Variants in CNOT6L observed in about 807,000 individuals in gnomAD.
CNOT6L encodes CCR4-NOT transcription complex subunit 6-like.
Under a neutral mutation model 64.0 loss-of-function variants are expected in CNOT6L, and 7 were observed. That is an observed-to-expected ratio of 0.11 (90% CI 0.06 to 0.21). CNOT6L has a LOEUF of 0.21. Ranked by LOEUF, CNOT6L falls within the 10% of genes least tolerant of loss-of-function variation. The pLI is 1.00. For missense variants in CNOT6L, 245 were observed against 669.0 expected (o/e 0.37, Z 6.99); for synonymous variants, 193 against 243.4 (o/e 0.79, Z 1.93).
intron 8 of CNOT6L, among the ~76,000 whole-genome samples, chr4:77,736,794 G>C (rs2109917005): frequency 6.6e-6 from 1 of 151,888 alleles, no homozygotes; most frequent in South Asian, 2.1e-4. Flanking sequence ...TTTATTCTAA[G>C]AATTCTTCTG....
At chr4:77,801,952 A>C (rs868322212) in intron 1 of CNOT6L, among the ~76,000 whole-genome samples, 1 of 152,210 alleles carries the variant, frequency 6.6e-6, no homozygotes, top group Non-Finnish European at 1.5e-5. Context: ...AAATGTAAAC[A>C]ATGACTACCA....
At chr4:77,794,147 T>C in intron 1 of CNOT6L, among the ~76,000 whole-genome samples, 1 of 33,452 alleles carries the variant, frequency 3.0e-5, no homozygotes, top group South Asian at 1.3e-3. Context: ...TAAGACTCTG[T>C]CTCAAAAAAA....
chr4:77,771,948 CATAA>C (rs1185316395), intron 4 of CNOT6L, among the ~76,000 whole-genome samples: 2 of 152,196 alleles, frequency 1.3e-5, no homozygotes, highest in South Asian at 2.1e-4. Flanking sequence ...CCTATTAATT[CATAA>C]ATAAACTCTT....
chr4:77,786,303 C>G (rs990094636), intron 1 of CNOT6L, among the ~76,000 whole-genome samples: 2 of 149,746 alleles, frequency 1.3e-5, no homozygotes, highest in Non-Finnish European at 3.0e-5. Flanking sequence ...GAAAGAGAGA[C>G]AGAGAGAGAG....
chr4:77,773,076 C>G lies in CNOT6L; in HGVS notation c.400+5G>C, dbSNP rs756261309. 6.3e-7 allele frequency: 1 copy of G among 1,585,508 alleles called. No individual in the cohort carries two copies. Among genetic ancestry groups the G allele is most frequent in the East Asian group, 2.3e-5 (1 of 44,392 alleles). Reference sequence around the variant, plus strand: ...ATACCTCAAAACTGTTTAAAAATCACTTACCTTTCAAACCTAGAGTTTGTA... The same window carrying G: ...ATACCTCAAAACTGTTTAAAAATCAGTTACCTTTCAAACCTAGAGTTTGTA... On this transcript the variant is annotated splice_donor_5th_base_variant and intron_variant, in intron 4 of 11. Coordinates refer to ENST00000504123, the MANE Select transcript of CNOT6L (RefSeq NM_144571.3).
Position 77,747,370 on chromosome 4 carries a change from G to A in CNOT6L, c.559+946C>T, listed in dbSNP as rs147343700. Reference sequence around the variant, plus strand: ...TTTAGTAGAGATGGGGTTTCACCATGCTGGCCAAGCTAATCTTGAACTCCT... The same window carrying A: ...TTTAGTAGAGATGGGGTTTCACCATACTGGCCAAGCTAATCTTGAACTCCT... On this transcript the variant is annotated intron_variant, in intron 6 of 11. Transcript: ENST00000504123. Among the ~76,000 whole-genome samples the A allele has an allele frequency of 3.3e-5, 5 of 152,218 alleles. No homozygotes were observed. In the East Asian group the frequency reaches 9.7e-4, roughly 29 times the overall value.
rs1007168649 is a variant in CNOT6L, at chr4:77,717,644, A to G, written c.*2787T>C. 34 of 152,498 alleles carry G rather than the reference A, an allele frequency of 2.2e-4. No homozygotes were observed. The highest frequency in any genetic ancestry group is 7.5e-4 in the African/African-American group (31 of 41,410). The allele number at this position is 152,498 out of a possible 1,614,324, so 9.4% of individuals were successfully genotyped here. A position where few individuals can be genotyped will look rare whatever the true frequency, so the allele number is the denominator to read the frequency against. On this transcript the variant is annotated 3_prime_UTR_variant, in exon 12 of 12. Coordinates refer to ENST00000504123, the MANE Select transcript of CNOT6L (RefSeq NM_144571.3). ...TCTTCCTTTTGGCTTCTCACTGCCA[A>G]AGTTCCAAATGGCATGCGGTTTAAC...
intron 2 of CNOT6L, 103 bp downstream of exon 2, chr4:77,776,168 A>G (rs564693998): frequency 2.8e-5 from 32 of 1,132,966 alleles, no homozygotes; most frequent in Admixed American, 1.3e-4. Context: ...TAGTTTTTCA[A>G]TGAGTCCATC....
At chr4:77,775,113 C>T (rs1212915937) in intron 2 of CNOT6L, among the ~76,000 whole-genome samples, 1 of 152,082 alleles carries the variant, frequency 6.6e-6, no homozygotes, top group Non-Finnish European at 1.5e-5. Context: ...GCCAGAAATG[C>T]TACTAAATAT....
At chr4:77,779,064 AAAAAAAAAACAC>A in intron 1 of CNOT6L, among the ~76,000 whole-genome samples, 2 of 79,232 alleles carry the variant, frequency 2.5e-5, no homozygotes, top group South Asian at 7.2e-4. Flanking sequence ...AAAAAAAAAC[AAAAAAAAAACAC>A]AAAAAACACA....
intron 1 of CNOT6L, among the ~76,000 whole-genome samples, chr4:77,797,056 G>A (rs759075523): frequency 9.2e-5 from 12 of 130,316 alleles, no homozygotes; most frequent in Admixed American, 2.7e-4. Flanking sequence ...GCAGTGAGCC[G>A]TGATGGTGCC....
chr4:77,777,943 G>A (rs1024277524), intron 1 of CNOT6L, among the ~76,000 whole-genome samples: 3 of 152,134 alleles, frequency 2.0e-5, no homozygotes, highest in African/African-American at 7.2e-5. Context: ...ACTTAAAGGA[G>A]CAAAGAGAAA....
chr4:77,801,505 C>T (rs1731545718), intron 1 of CNOT6L, among the ~76,000 whole-genome samples: 1 of 151,882 alleles, frequency 6.6e-6, no homozygotes, highest in South Asian at 2.1e-4. Context: ...TGACAGTATA[C>T]ATGTAACATA....
At chr4:77,789,487 G>A (rs965817029) in intron 1 of CNOT6L, among the ~76,000 whole-genome samples, 4 of 151,916 alleles carry the variant, frequency 2.6e-5, no homozygotes, top group African/African-American at 9.7e-5. Context: ...GACCACCCTG[G>A]GCAACATGGC....
intron 1 of CNOT6L, among the ~76,000 whole-genome samples, chr4:77,783,150 CAAAAAAAAAAAA>C (rs35634501): frequency 9.8e-6 from 1 of 102,184 alleles, no homozygotes; most frequent in African/African-American, 3.9e-5. Flanking sequence ...TGTGACCACT[CAAAAAAAAAAAA>C]AAAAAAAACA....
At chr4:77,799,400 C>T (rs556176572) in intron 1 of CNOT6L, among the ~76,000 whole-genome samples, 126 of 151,802 alleles carry the variant, frequency 8.3e-4, no homozygotes, top group Non-Finnish European at 1.5e-3. Context: ...CTAGTATAAA[C>T]AAGGTCAAAA....
intron 1 of CNOT6L, among the ~76,000 whole-genome samples, chr4:77,816,182 T>C (rs2110195260): frequency 6.6e-6 from 1 of 152,280 alleles, no homozygotes; most frequent in South Asian, 2.1e-4. Context: ...TACTTCCACT[T>C]CATATCCAAA....
At chr4:77,792,712 T>TA (rs1256312667) in intron 1 of CNOT6L, among the ~76,000 whole-genome samples, 3 of 121,518 alleles carry the variant, frequency 2.5e-5, no homozygotes, top group Admixed American at 1.1e-4. Flanking sequence ...GGTGACAGAG[T>TA]AAGACTCTGC....
intron 1 of CNOT6L, among the ~76,000 whole-genome samples, chr4:77,803,968 G>A (rs1371508369): frequency 6.6e-6 from 1 of 151,966 alleles, no homozygotes; most frequent in Non-Finnish European, 1.5e-5. Context: ...GGAAAAGTTT[G>A]TCAATTCCTC....
Sources: gnomAD v4.1 joint callset for allele counts (sites outside exome capture counted in the v4.1 genomes callset) on GRCh38, gnomAD v4.1.1 for gene constraint, MANE v1.5 for transcripts, NCBI Gene and HGNC (gene_info 2026-07-23, HGNC 2026-07-21) for gene names.